The following DMD variants were observed in gnomAD, a reference collection of about 807,000 sequenced individuals.
DMD encodes dystrophin.
In DMD, 63 loss-of-function variants were observed where a neutral mutation model predicts 330.1. The ratio of observed to expected loss-of-function variants is 0.19; its 90% confidence interval spans 0.16 to 0.24. DMD has a LOEUF of 0.24. DMD is among the 10% of genes least tolerant of loss of function. The pLI, the probability that DMD is intolerant of heterozygous loss-of-function variation, is 1.00. For missense variants in DMD, 3,344 were observed against 2,684.1 expected (o/e 1.25, Z -5.43); for synonymous variants, 1,223 against 959.8 (o/e 1.27, Z -5.07).
chrX:32,299,365 G>GA (rs1164461100), intron 42 of DMD, among the ~76,000 whole-genome samples: 1 of 109,159 alleles, frequency 9.2e-6, no homozygotes, highest in African/African-American at 3.3e-5. Flanking sequence ...TTTTTTCCAG[G>GA]AAAAAAAAGA....
chrX:32,636,142 C>G (rs1465465978), intron 11 of DMD, among the ~76,000 whole-genome samples: 1 of 111,663 alleles, frequency 9.0e-6, no homozygotes, highest in African/African-American at 3.3e-5. Context: ...AGTTTTTATC[C>G]CCCTAAAACT....
At chrX:33,292,946 T>A (rs893039197) in intron 1 of DMD, among the ~76,000 whole-genome samples, 1 of 110,347 alleles carries the variant, frequency 9.1e-6, no homozygotes, top group Non-Finnish European at 1.9e-5. Context: ...TTTCCCTATA[T>A]AGAATTCTGT....
Position 32,610,984 on chromosome X carries a change from G to A in DMD, c.1482+3319C>T, listed in dbSNP as rs138310033. On this transcript the variant is annotated intron_variant, in intron 12 of 78. Transcript: ENST00000357033. ...TTTATTTTCTTTTGTTTTATGAAGT[G>A]TGGCAAGACTAACAAAACAGTGTTC... Among the ~76,000 whole-genome samples, 584 of 111,210 alleles carry A rather than the reference G, an allele frequency of 5.3e-3. 3 individuals are homozygous for A. The highest frequency in any genetic ancestry group is 0.018 in the African/African-American group (560 of 30,702).
At chrX:32,840,432 A>G (rs1234906296) in intron 4 of DMD, among the ~76,000 whole-genome samples, 4 of 111,674 alleles carry the variant, frequency 3.6e-5, no homozygotes, top group Non-Finnish European at 7.5e-5. Flanking sequence ...AGTTCCCTTC[A>G]TAAGTTCCTC....
At chrX:31,549,295 T>A (rs2074336772) in intron 55 of DMD, among the ~76,000 whole-genome samples, 2 of 109,926 alleles carry the variant, frequency 1.8e-5, no homozygotes, top group Admixed American at 2.0e-4. Flanking sequence ...ATCTGAATTA[T>A]CAGAAAATCA....
intron 1 of DMD, among the ~76,000 whole-genome samples, chrX:33,262,774 C>A (rs745420305): frequency 6.3e-5 from 7 of 110,365 alleles, no homozygotes; most frequent in African/African-American, 9.8e-5. Flanking sequence ...CACAAAAAAA[C>A]CCCTAAAAAT....
At chrX:32,160,001 G>A (rs868467517) in intron 44 of DMD, among the ~76,000 whole-genome samples, 12 of 111,175 alleles carry the variant, frequency 1.1e-4, no homozygotes, top group African/African-American at 2.3e-4. Context: ...TGGAGGCTAC[G>A]GGAAGCTACT....
At chrX:31,816,311 G>A (rs1465092564) in intron 50 of DMD, among the ~76,000 whole-genome samples, 1 of 110,828 alleles carries the variant, frequency 9.0e-6, no homozygotes, top group Non-Finnish European at 1.9e-5. Flanking sequence ...TATAATTTAA[G>A]TAAGCAGCCA....
chrX:32,240,041 T>C (rs181675893), intron 43 of DMD, among the ~76,000 whole-genome samples: 24 of 112,027 alleles, frequency 2.1e-4, no homozygotes, highest in African/African-American at 7.1e-4. Flanking sequence ...TTGGTTTCTG[T>C]CTTCCATCTT....
At chrX:33,070,846 G>T (rs1252993625) in intron 1 of DMD, among the ~76,000 whole-genome samples, 1 of 108,042 alleles carries the variant, frequency 9.3e-6, no homozygotes, top group Non-Finnish European at 1.9e-5. Context: ...ATGAAATGGT[G>T]AAAGCAAATC....
At chrX:31,723,288 CTA>C (rs1416881402) in intron 52 of DMD, among the ~76,000 whole-genome samples, 2 of 110,778 alleles carry the variant, frequency 1.8e-5, no homozygotes, top group Non-Finnish European at 3.8e-5. Context: ...CCTGCAATCT[CTA>C]TGTTTTCAAC....
chrX:31,725,473 T>C (rs1464890316), intron 52 of DMD, among the ~76,000 whole-genome samples: 1 of 111,773 alleles, frequency 8.9e-6, no homozygotes, highest in African/African-American at 3.3e-5. Flanking sequence ...CCCCAATAGA[T>C]TATAATTAAA....
At chrX:32,310,439 T>C (rs924099441) in intron 41 of DMD, among the ~76,000 whole-genome samples, 163 bp from the exon 42 acceptor site, 2 of 110,946 alleles carry the variant, frequency 1.8e-5, no homozygotes, top group African/African-American at 6.5e-5. Context: ...AAAACGGTGA[T>C]TTATTAATTA....
chrX:32,758,455 A>G (rs146423457), intron 7 of DMD, among the ~76,000 whole-genome samples: 2 of 111,194 alleles, frequency 1.8e-5, no homozygotes, highest in Admixed American at 1.9e-4. Flanking sequence ...AACCTTTCAA[A>G]GTTCAGCATT....
chrX:32,095,814 T>C (rs2096501352), intron 44 of DMD, among the ~76,000 whole-genome samples: 1 of 111,955 alleles, frequency 8.9e-6, no homozygotes, highest in South Asian at 3.7e-4. Flanking sequence ...TCATGACAAC[T>C]GTAGTGGCTG....
chrX:32,711,345 A>G (rs1181731597), intron 7 of DMD, among the ~76,000 whole-genome samples: 2 of 110,863 alleles, frequency 1.8e-5, no homozygotes, highest in Non-Finnish European at 3.8e-5. Flanking sequence ...GGGGCTTGGT[A>G]TAACTATCTC....
chrX:33,145,489 G>C (rs1396278801), intron 1 of DMD, among the ~76,000 whole-genome samples: 1 of 111,289 alleles, frequency 9.0e-6, no homozygotes, highest in Non-Finnish European at 1.9e-5. Flanking sequence ...AGAAATGTAG[G>C]CTCTGTGGGA....
chrX:32,912,917 T>C (rs1356102234), intron 2 of DMD, among the ~76,000 whole-genome samples: 2 of 112,422 alleles, frequency 1.8e-5, no homozygotes, highest in Non-Finnish European at 3.8e-5. Context: ...TTTGTTCTTA[T>C]GTAATAAGAT....
At chrX:32,235,983 T>A (rs112854886) in intron 43 of DMD, among the ~76,000 whole-genome samples, 3 of 112,008 alleles carry the variant, frequency 2.7e-5, no homozygotes, top group African/African-American at 6.5e-5. Context: ...TTTCTCTTTA[T>A]CATTTATTAG....
Sources: allele counts gnomAD v4.1 joint callset (sites outside exome capture counted in the v4.1 genomes callset), GRCh38; gene constraint gnomAD v4.1.1; transcripts MANE v1.5; gene names NCBI Gene and HGNC (gene_info 2026-07-23, HGNC 2026-07-21).